JPH1: variants seen among roughly 807,000 people sequenced by gnomAD.
JPH1 encodes the protein junctophilin 1, also known as junctophilin-1.
Under a neutral mutation model 53.6 loss-of-function variants are expected in JPH1, and 12 were observed. That is an observed-to-expected ratio of 0.22 (90% confidence interval 0.14 to 0.36). The LOEUF is 0.36. Ranked by LOEUF, JPH1 falls within the 10% of genes least tolerant of loss-of-function variation. The pLI is 1.00. For missense variants in JPH1, 808 were observed against 905.5 expected (o/e 0.89, Z 1.38); for synonymous variants, 375 against 363.8 (o/e 1.03, Z -0.35).
intron 2 of JPH1, among the ~76,000 whole-genome samples, chr8:74,265,646 A>G (rs1320114413): frequency 6.6e-6 from 1 of 152,200 alleles, no homozygotes; most frequent in Non-Finnish European, 1.5e-5. Flanking sequence ...TTACCATTAA[A>G]TAAAATGAAA....
chr8:74,242,132 A>G (rs1805713992), intron 4 of JPH1, among the ~76,000 whole-genome samples: 1 of 152,166 alleles, frequency 6.6e-6, no homozygotes, highest in South Asian at 2.1e-4. Context: ...ACTCGAGTTA[A>G]CTAATTTCCT....
chr8:74,294,110 T>C (rs1807425551), intron 2 of JPH1, among the ~76,000 whole-genome samples: 1 of 152,120 alleles, frequency 6.6e-6, no homozygotes, highest in Non-Finnish European at 1.5e-5. Context: ...CTGAGGGAAC[T>C]CCTCTGAATG....
chr8:74,244,041 T>G (rs1245292949), intron 4 of JPH1, among the ~76,000 whole-genome samples: 1 of 152,212 alleles, frequency 6.6e-6, no homozygotes, highest in Non-Finnish European at 1.5e-5. Flanking sequence ...TACGTATGTA[T>G]GAGAAGAATT....
In JPH1 at chr8:74,236,410, C is replaced by T. The variant is rs1158545655; in HGVS notation, c.*641G>A. 2 of 152,522 alleles carry T rather than the reference C, an allele frequency of 1.3e-5. No individual in the cohort carries two copies. The highest frequency in any genetic ancestry group is 3.9e-4 in the East Asian group (2 of 5,190). 9.4% of individuals were successfully genotyped at this position (152,522 alleles called of 1,614,324 possible). A position where few individuals can be genotyped will look rare whatever the true frequency, so the allele number is the denominator to read the frequency against. ...GATTTAAATAAACAGCAAAAATGAA[C>T]AGAGTCGTGCACAAGCAAACGAAAC... On this transcript the variant is annotated 3_prime_UTR_variant, in exon 6 of 6. Transcript: ENST00000342232.
At chr8:74,283,109 T>C (rs1339393649) in intron 2 of JPH1, among the ~76,000 whole-genome samples, 1 of 152,158 alleles carries the variant, frequency 6.6e-6, no homozygotes, top group East Asian at 1.9e-4. Flanking sequence ...GAGTAAAACG[T>C]GTATGTAGAC....
At chr8:74,258,142 A>T (rs2975210) in intron 3 of JPH1, among the ~76,000 whole-genome samples, 59,983 of 152,062 alleles carry the variant, frequency 0.39, 13,817 homozygotes, top group African/African-American at 0.65. Context: ...GCCAAACATG[A>T]ATCGAACACC....
At chr8:74,275,294 T>C (rs1331054286) in intron 2 of JPH1, among the ~76,000 whole-genome samples, 1 of 152,092 alleles carries the variant, frequency 6.6e-6, no homozygotes, top group Non-Finnish European at 1.5e-5. Flanking sequence ...AAAACAGAGA[T>C]GAAGAAAATG....
chr8:74,273,557 C>G (rs1364727244), intron 2 of JPH1, among the ~76,000 whole-genome samples: 1 of 152,160 alleles, frequency 6.6e-6, no homozygotes, highest in South Asian at 2.1e-4. Flanking sequence ...GTCAGGATCG[C>G]TCATATTTTT....
intron 2 of JPH1, among the ~76,000 whole-genome samples, chr8:74,304,279 A>G (rs1563419225): frequency 6.6e-6 from 1 of 152,254 alleles, no homozygotes; most frequent in Non-Finnish European, 1.5e-5. Flanking sequence ...AGAATGATTA[A>G]AGTTGGTATT....
intron 2 of JPH1, 142 bp downstream of exon 2, chr8:74,314,719 G>C: frequency 1.0e-6 from 1 of 973,164 alleles, no homozygotes; most frequent in South Asian, 1.5e-5. Flanking sequence ...TGATTCTACT[G>C]AGTGTAATCA....
rs1227094861 is a variant in JPH1 at position 74,315,495 on chromosome 8, C to G, written c.505G>C (p.Glu169Gln). ...LRTSLASLRSEQSNGSVLHDA... is the reference protein window; with the variant it reads ...LRTSLASLRSQQSNGSVLHDA... ...TGGAGCACGCTGCCATTGCTCTGCT[C>G]GCTGCGCAGCGAGGCCAGCGAGGTA... The change falls in exon 2 of 6, where the codon GAG becomes CAG. Residue 169 changes from glutamate to glutamine, a missense_variant. Glu to Gln is a conservative substitution (Grantham distance 29). Transcript: ENST00000342232. The surrounding 1 kb of genome is among the most constrained non-coding windows in gnomAD (Gnocchi z 6.3). The G allele has an allele frequency of 6.2e-7, 1 of 1,605,872 alleles. No homozygotes were observed. Among genetic ancestry groups the G allele is most frequent in the Non-Finnish European group, 8.5e-7 (1 of 1,177,136 alleles).
At chr8:74,272,885 T>C (rs1806746433) in intron 2 of JPH1, among the ~76,000 whole-genome samples, 1 of 152,120 alleles carries the variant, frequency 6.6e-6, no homozygotes, top group African/African-American at 2.4e-5. Flanking sequence ...ATTACAGGCG[T>C]GAGCCACCGC....
intron 2 of JPH1, among the ~76,000 whole-genome samples, chr8:74,303,034 T>C (rs779617794): frequency 6.6e-6 from 1 of 150,630 alleles, no homozygotes; most frequent in Non-Finnish European, 1.5e-5. Flanking sequence ...TTAGAAAGCA[T>C]AACTTCACAA....
At chr8:74,284,974 G>A (rs1807120653) in intron 2 of JPH1, among the ~76,000 whole-genome samples, 2 of 151,892 alleles carry the variant, frequency 1.3e-5, no homozygotes, top group Non-Finnish European at 2.9e-5. Context: ...ACAGGCAGGT[G>A]CCACCACACC....
At chr8:74,292,607 A>T (rs1014635422) in intron 2 of JPH1, among the ~76,000 whole-genome samples, 5 of 152,186 alleles carry the variant, frequency 3.3e-5, no homozygotes, top group African/African-American at 1.2e-4. Context: ...GGTAAAATGA[A>T]GATATTTTAA....
intron 1 of JPH1, among the ~76,000 whole-genome samples, chr8:74,316,767 C>T (rs1323797018): frequency 6.6e-6 from 1 of 152,072 alleles, no homozygotes; most frequent in Admixed American, 6.6e-5. Flanking sequence ...AATAAATAAG[C>T]AAAGACATTA....
At position 74,290,420 on chromosome 8, in the gene JPH1, C is replaced by T. The variant is rs376769505; in HGVS notation, c.1139+24441G>A. Reference sequence around the variant, plus strand: ...ATAAAATACCTAGGAATCCAACTTACAAGGGATGTGAAGGACCTCTTCAAG... The same window carrying T: ...ATAAAATACCTAGGAATCCAACTTATAAGGGATGTGAAGGACCTCTTCAAG... On this transcript the variant is annotated intron_variant, in intron 2 of 5. Coordinates refer to ENST00000342232, the MANE Select transcript of JPH1 (RefSeq NM_020647.4). Among the ~76,000 whole-genome samples, 276 of 152,252 alleles carry T rather than the reference C, an allele frequency of 1.8e-3. 1 individual carries two copies. The highest frequency in any genetic ancestry group is 6.2e-3 in the African/African-American group (257 of 41,556).
intron 2 of JPH1, among the ~76,000 whole-genome samples, chr8:74,283,275 TATAA>T (rs1349004362): frequency 4.0e-5 from 6 of 151,774 alleles, no homozygotes; most frequent in Non-Finnish European, 7.4e-5. Context: ...ATTTTTAAAT[TATAA>T]ATAAAAGAAA....
chr8:74,257,558 G>C (rs1806274695), intron 3 of JPH1, among the ~76,000 whole-genome samples: 1 of 152,138 alleles, frequency 6.6e-6, no homozygotes, highest in East Asian at 1.9e-4. Flanking sequence ...GCACTGCTAG[G>C]GAGGAGAGAA....
Sources: allele counts gnomAD v4.1 joint callset (sites outside exome capture counted in the v4.1 genomes callset), GRCh38; gene constraint gnomAD v4.1.1; non-coding constraint Gnocchi (gnomAD v3.1); transcripts MANE v1.5; gene names NCBI Gene and HGNC (gene_info 2026-07-23, HGNC 2026-07-21).